MNAT1: variants seen among roughly 807,000 people sequenced by gnomAD.
The protein encoded by MNAT1 is CDK-activating kinase assembly factor MAT1.
MNAT1 carries 43 observed loss-of-function variants against 42.0 expected under a neutral mutation model. The ratio of observed to expected loss-of-function variants is 1.02; its 90% confidence interval spans 0.80 to 1.32. MNAT1 has a LOEUF of 1.32. Among genes scored for constraint, MNAT1 ranks in the 40% most tolerant of loss-of-function variants. The pLI, the probability that MNAT1 is intolerant of heterozygous loss-of-function variation, is 0.00. For missense variants in MNAT1, 306 were observed against 350.4 expected (o/e 0.87, Z 1.01); for synonymous variants, 118 against 120.0 (o/e 0.98, Z 0.11).
At chr14:60,873,149 CTA>C (rs2034365984) in intron 6 of MNAT1, among the ~76,000 whole-genome samples, 1 of 152,126 alleles carries the variant, frequency 6.6e-6, no homozygotes, top group South Asian at 2.1e-4. Flanking sequence ...GTGACTCTCA[CTA>C]TGTTTATTAA....
At chr14:60,799,410 C>G (rs2032128561) in intron 3 of MNAT1, 3 of 984,752 alleles carry the variant, frequency 3.0e-6, no homozygotes, top group Non-Finnish European at 2.4e-6. Context: ...AAATCTGGCT[C>G]TATATAGATA....
chr14:60,818,861 T>C lies in MNAT1; in HGVS notation c.687+14T>C. Reference sequence around the variant, plus strand: ...GGCATCAAAATGGTAAGCCTTATTTTAATTGCTTGTTTGAAAGATATTTTT... The same window carrying C: ...GGCATCAAAATGGTAAGCCTTATTTCAATTGCTTGTTTGAAAGATATTTTT... On this transcript the variant is annotated intron_variant, in intron 6 of 7. Transcript: ENST00000261245. The C allele has an allele frequency of 6.2e-7, 1 of 1,604,720 alleles. No homozygotes were observed.
chr14:60,752,305 A>G (rs1213838894), intron 1 of MNAT1, among the ~76,000 whole-genome samples: 2 of 152,208 alleles, frequency 1.3e-5, no homozygotes, highest in Non-Finnish European at 2.9e-5. Context: ...AGTGAGGACC[A>G]GTTAAGGATC....
At position 60,808,386 on chromosome 14, in the gene MNAT1, A is replaced by G. The variant is rs768193838; in HGVS notation, c.378A>G (p.Gln126=). ...CCAAAAAGAAAATGGAGATATACCA[A>G]AAGGAAAACAAAGATGTTATTCAGA... The part of the protein sequence containing the change: ...DNTKKKMEIY[Q]KENKDVIQKN... Residue 126 remains glutamine, a synonymous_variant, in exon 4 of 8, where the codon CAA becomes CAG. Transcript: ENST00000261245. 9 of 1,580,324 alleles carry G rather than the reference A, an allele frequency of 5.7e-6. No individual in the cohort carries two copies. The highest frequency in any genetic ancestry group is 2.4e-5 in the South Asian group (2 of 84,352).
intron 7 of MNAT1, among the ~76,000 whole-genome samples, chr14:60,936,494 C>T (rs369521818): frequency 5.3e-5 from 8 of 149,630 alleles, no homozygotes; most frequent in East Asian, 2.0e-4. Context: ...TTTGTCCTTG[C>T]GATAGTTTGC....
At chr14:60,906,892 A>G (rs1253731520) in intron 7 of MNAT1, among the ~76,000 whole-genome samples, 1 of 152,172 alleles carries the variant, frequency 6.6e-6, no homozygotes, top group African/African-American at 2.4e-5. Context: ...TCGTTCTTTA[A>G]TAACATTTTA....
At chr14:60,966,164 T>G (rs936986662) in intron 7 of MNAT1, among the ~76,000 whole-genome samples, 3 of 152,182 alleles carry the variant, frequency 2.0e-5, no homozygotes, top group African/African-American at 7.2e-5. Context: ...TCTCACTCTG[T>G]TGCCCAGGCT....
intron 6 of MNAT1, among the ~76,000 whole-genome samples, chr14:60,851,628 C>A (rs2033822254): frequency 6.6e-6 from 1 of 152,116 alleles, no homozygotes; most frequent in South Asian, 2.1e-4. Context: ...TGGTTTGCTG[C>A]ACCTATCAAC....
intron 6 of MNAT1, among the ~76,000 whole-genome samples, chr14:60,827,457 T>A (rs1223842587): frequency 6.6e-6 from 1 of 152,152 alleles, no homozygotes; most frequent in African/African-American, 2.4e-5. Flanking sequence ...CTAACCTTGA[T>A]AAAATATGTG....
At chr14:60,845,901 A>C (rs1474360702) in intron 6 of MNAT1, among the ~76,000 whole-genome samples, 1 of 152,114 alleles carries the variant, frequency 6.6e-6, no homozygotes, top group African/African-American at 2.4e-5. Context: ...AATGTTTTGG[A>C]AAATATTCCC....
chr14:60,935,763 C>G lies in MNAT1; in HGVS notation c.810-32466C>G, dbSNP rs1256083611. ...ACATAGATTTGGGCCCTCACAGATG[C>G]TGCTTTTTTCAAACATATAGTTGAA... On this transcript the variant is annotated intron_variant, in intron 7 of 7. Coordinates refer to ENST00000261245, the MANE Select transcript of MNAT1 (RefSeq NM_002431.4). Among the ~76,000 whole-genome samples, 3 of 152,112 alleles carry G rather than the reference C, an allele frequency of 2.0e-5. No homozygotes were observed. In the East Asian group the frequency reaches 5.8e-4, roughly 29 times the overall value.
At chr14:60,744,614 G>C (rs1896561726) in intron 1 of MNAT1, among the ~76,000 whole-genome samples, 1 of 152,194 alleles carries the variant, frequency 6.6e-6, no homozygotes, top group Admixed American at 6.5e-5. Flanking sequence ...GTTACTGGCA[G>C]ATAACTTTGA....
At chr14:60,916,962 T>A (rs181237430) in intron 7 of MNAT1, among the ~76,000 whole-genome samples, 169 of 152,004 alleles carry the variant, frequency 1.1e-3, no homozygotes, top group Non-Finnish European at 2.1e-3. Context: ...CCAAAAAATT[T>A]AAAAAAATTA....
chr14:60,830,592 A>T (rs761465737), intron 6 of MNAT1, among the ~76,000 whole-genome samples: 75 of 152,092 alleles, frequency 4.9e-4, no homozygotes, highest in Non-Finnish European at 1.0e-3. Flanking sequence ...TTTTTAATGT[A>T]ATATTTTAAT....
chr14:60,839,266 G>T (rs2033479860), intron 6 of MNAT1, among the ~76,000 whole-genome samples: 1 of 152,096 alleles, frequency 6.6e-6, no homozygotes, highest in African/African-American at 2.4e-5. Context: ...ACTTCCTTTT[G>T]AGCCCATAAA....
At chr14:60,896,721 C>T (rs989920847) in intron 7 of MNAT1, among the ~76,000 whole-genome samples, 1 of 151,684 alleles carries the variant, frequency 6.6e-6, no homozygotes, top group Non-Finnish European at 1.5e-5. Flanking sequence ...TCTGACCCCA[C>T]GTGATCCACA....
At chr14:60,818,868 T>C in intron 6 of MNAT1, 21 bp downstream of exon 6, 1 of 1,603,680 alleles carries the variant, frequency 6.2e-7, no homozygotes, top group South Asian at 1.1e-5. Context: ...TTTTAATTGC[T>C]TGTTTGAAAG....
At chr14:60,735,329 G>C (rs964881040) in intron 1 of MNAT1, among the ~76,000 whole-genome samples, 1 of 152,150 alleles carries the variant, frequency 6.6e-6, no homozygotes, top group Non-Finnish European at 1.5e-5. Flanking sequence ...AAGTGCGAAA[G>C]TGCTATGAAA....
intron 6 of MNAT1, among the ~76,000 whole-genome samples, chr14:60,841,372 C>A (rs1476922124): frequency 6.6e-6 from 1 of 150,378 alleles, no homozygotes; most frequent in Non-Finnish European, 1.5e-5. Context: ...TTATGTTTTT[C>A]ATTTTAAAAT....
Sources: allele counts gnomAD v4.1 joint callset (sites outside exome capture counted in the v4.1 genomes callset), GRCh38; gene constraint gnomAD v4.1.1; transcripts MANE v1.5; gene names NCBI Gene and HGNC (gene_info 2026-07-23, HGNC 2026-07-21).